The following TRPM8 variants were observed in gnomAD, a reference collection of about 807,000 sequenced individuals.
TRPM8 encodes TRPM8 cationic channel.
Under a neutral mutation model 133.7 loss-of-function variants are expected in TRPM8, and 110 were observed. The observed-to-expected ratio is 0.82, with a 90% CI of 0.70 to 0.96. The LOEUF is 0.96. Among genes scored for constraint, TRPM8 ranks in the 40% least tolerant of loss-of-function variants. TRPM8 has a pLI of 0.00. For missense variants in TRPM8, 1,291 were observed against 1,379.5 expected (o/e 0.94, Z 1.02); for synonymous variants, 535 against 532.3 (o/e 1.01, Z -0.07).
In TRPM8 at chr2:234,003,739, A is replaced by C. The variant is rs559733737; in HGVS notation, c.3131-3114A>C. Reference sequence around the variant, plus strand: ...TTCAGTACAAAGAACAATGTCTAACAGTGTGGGCTATCTGGAAATGAGATT... The same window carrying C: ...TTCAGTACAAAGAACAATGTCTAACCGTGTGGGCTATCTGGAAATGAGATT... On this transcript the variant is annotated intron_variant, in intron 22 of 25. Transcript: ENST00000324695. 6.6e-5 allele frequency among the ~76,000 whole-genome samples: 10 copies of C among 152,364 alleles called. No homozygotes were observed. The South Asian group carries it at 1.9e-3, about 28-fold the overall frequency.
chr2:233,991,166 G>A (rs1692266764), intron 21 of TRPM8, among the ~76,000 whole-genome samples: 1 of 152,084 alleles, frequency 6.6e-6, no homozygotes, highest in Non-Finnish European at 1.5e-5. Flanking sequence ...GCAGGGGCTA[G>A]GTTATGGAGA....
At chr2:233,999,609 T>A (rs1276272219) in intron 22 of TRPM8, among the ~76,000 whole-genome samples, 3 of 151,898 alleles carry the variant, frequency 2.0e-5, no homozygotes, top group South Asian at 2.1e-4. Context: ...CCCCACCCAA[T>A]GCTGGTTTAT....
intron 1 of TRPM8, among the ~76,000 whole-genome samples, chr2:233,918,929 G>A (rs1691354942): frequency 6.6e-6 from 1 of 152,142 alleles, no homozygotes; most frequent in Non-Finnish European, 1.5e-5. Context: ...TCAAAGAGTG[G>A]AGATGGCTGG....
chr2:233,967,151 T>C (rs944111448), intron 15 of TRPM8, among the ~76,000 whole-genome samples: 2 of 152,232 alleles, frequency 1.3e-5, no homozygotes, highest in Admixed American at 1.3e-4. Flanking sequence ...TAAAGGGTTA[T>C]TGTGAAGATT....
intron 9 of TRPM8, 122 bp from the exon 10 acceptor site, chr2:233,953,795 A>G: frequency 1.6e-6 from 1 of 644,136 alleles, no homozygotes; most frequent in South Asian, 2.0e-5. Context: ...CAGAAATGAG[A>G]AGCTGATCCG....
At chr2:233,927,708 CTCTTTCTTTCTTTCTTTCTT>C (rs1174628676) in intron 2 of TRPM8, among the ~76,000 whole-genome samples, 1,421 of 81,422 alleles carry the variant, frequency 0.017, 83 homozygotes, top group Middle Eastern at 0.034. Context: ...CAGAGTCTGT[CTCTTTCTTTCTTTCTTTCTT>C]TCTTTCTTTC....
intron 5 of TRPM8, among the ~76,000 whole-genome samples, chr2:233,941,525 T>A (rs1214730920): frequency 2.6e-5 from 4 of 152,184 alleles, no homozygotes; most frequent in African/African-American, 9.7e-5. Flanking sequence ...ATGGAGATAG[T>A]CAGCAAAGGG....
rs1192319262 is a variant in TRPM8, at chr2:234,018,866, A to AAATAAATAAATC, written c.*1621_*1622insCAATAAATAAAT. 6.6e-6 allele frequency: 1 copy of AAATAAATAAATC among 151,368 alleles called. No individual in the cohort carries two copies. Among genetic ancestry groups the AAATAAATAAATC allele is most frequent in the Non-Finnish European group, 1.5e-5 (1 of 67,900 alleles). The allele number at this position is 151,368 out of a possible 1,614,324, so 9.4% of individuals were successfully genotyped here. A position where few individuals can be genotyped will look rare whatever the true frequency, so the allele number is the denominator to read the frequency against. ...ACTGAAAATAAATAAATAAATAAATAAATAAATAAATAAATATTATGGATG... is the reference window on the plus strand; with the variant it reads ...ACTGAAAATAAATAAATAAATAAATAAATAAATAAATCAATAAATAAATAAATATTATGGATG... On this transcript the variant is annotated 3_prime_UTR_variant, in exon 26 of 26. Coordinates refer to ENST00000324695, the MANE Select transcript of TRPM8 (RefSeq NM_024080.5).
chr2:233,969,249 C>T (rs962299752), intron 15 of TRPM8, among the ~76,000 whole-genome samples: 3 of 151,446 alleles, frequency 2.0e-5, no homozygotes, highest in Non-Finnish European at 2.9e-5. Context: ...GAGGCCGAGG[C>T]GGTGGATCAC....
chr2:233,986,513 A>G (rs1266725560), intron 21 of TRPM8, among the ~76,000 whole-genome samples: 3 of 152,192 alleles, frequency 2.0e-5, no homozygotes, highest in Non-Finnish European at 4.4e-5. Flanking sequence ...TTCAAGGTAT[A>G]TCAGCATTTT....
At chr2:233,971,099 G>A (rs1691702281) in intron 17 of TRPM8, among the ~76,000 whole-genome samples, 1 of 152,172 alleles carries the variant, frequency 6.6e-6, no homozygotes, top group African/African-American at 2.4e-5. Context: ...ACACTTAGCA[G>A]TTTACAAATT....
chr2:233,991,307 A>G (rs147207278), intron 21 of TRPM8, among the ~76,000 whole-genome samples: 1 of 152,352 alleles, frequency 6.6e-6, no homozygotes, highest in African/African-American at 2.4e-5. Context: ...CTGAATTATC[A>G]ATTCCAAAAT....
intron 9 of TRPM8, among the ~76,000 whole-genome samples, chr2:233,952,406 C>T (rs1410788969): frequency 2.0e-5 from 3 of 151,902 alleles, no homozygotes; most frequent in Non-Finnish European, 4.4e-5. Context: ...GAAGGCTTCC[C>T]GGAGGAAGTG....
intron 1 of TRPM8, among the ~76,000 whole-genome samples, chr2:233,921,237 T>C (rs975459461): frequency 6.6e-6 from 1 of 152,146 alleles, no homozygotes; most frequent in Non-Finnish European, 1.5e-5. Flanking sequence ...AGTAGATTCG[T>C]ATAACTACTG....
At chr2:233,964,584 G>GA (rs769641927) in intron 13 of TRPM8, 44 bp from the exon 14 acceptor site, 21 of 1,135,920 alleles carry the variant, frequency 1.8e-5, no homozygotes, top group Admixed American at 6.6e-5. Context: ...AAAAGAAAAG[G>GA]AAAAAAAAGA....
chr2:233,922,500 C>A (rs527476655), intron 1 of TRPM8, among the ~76,000 whole-genome samples: 106 of 152,230 alleles, frequency 7.0e-4, no homozygotes, highest in Non-Finnish European at 1.9e-4. Flanking sequence ...GTTTCTTCAA[C>A]TCTTTCTGCA....
chr2:233,982,330 T>C (rs1692031804), intron 19 of TRPM8, among the ~76,000 whole-genome samples: 1 of 152,214 alleles, frequency 6.6e-6, no homozygotes, highest in Non-Finnish European at 1.5e-5. Context: ...CTGAATCATG[T>C]AACTGTGTAA....
rs1559531748 is a variant in TRPM8 at position 233,964,711 on chromosome 2, TG to T, written c.1837del (p.Glu613SerfsTer171). On this transcript the variant is annotated frameshift_variant, in exon 14 of 26. Coordinates refer to ENST00000324695, the MANE Select transcript of TRPM8 (RefSeq NM_024080.5). LOFTEE classifies it high-confidence loss of function. ...AAGTGAAGAACGACATCAATGCTGC[TG>T]GGGAGTCCGAGGAGCTGGCTAATGA... ...AKVKNDINAA[G>X]ESEELANEYE... 1 of 1,613,198 alleles carries T rather than the reference TG, an allele frequency of 6.2e-7. No individual in the cohort carries two copies. The highest frequency in any genetic ancestry group is 8.5e-7 in the Non-Finnish European group (1 of 1,179,364).
At chr2:233,941,714 T>G (rs11898669) in intron 5 of TRPM8, among the ~76,000 whole-genome samples, 1 of 152,048 alleles carries the variant, frequency 6.6e-6, no homozygotes, top group African/African-American at 2.4e-5. Flanking sequence ...TTTTAGGTAT[T>G]GTATTTGTTG....
Sources: gnomAD v4.1 joint callset for allele counts (sites outside exome capture counted in the v4.1 genomes callset) on GRCh38, gnomAD v4.1.1 for gene constraint, MANE v1.5 for transcripts, NCBI Gene and HGNC (gene_info 2026-07-23, HGNC 2026-07-21) for gene names.